The following RNGTT variants were observed in gnomAD, a reference collection of about 807,000 sequenced individuals.
RNGTT encodes mRNA-capping enzyme.
A neutral mutation model predicts 79.3 loss-of-function variants in RNGTT; 33 were observed. That is an observed-to-expected ratio of 0.42 (90% CI 0.32 to 0.56). The LOEUF is 0.56. RNGTT is among the 20% of genes least tolerant of loss of function. RNGTT has a pLI of 0.17. For synonymous variants in RNGTT, 222 were observed against 235.9 expected (o/e 0.94, Z 0.54); for missense variants, 497 against 739.1 (o/e 0.67, Z 3.80).
At chr6:88,859,252 C>G in intron 8 of RNGTT, among the ~76,000 whole-genome samples, 1 of 151,020 alleles carries the variant, frequency 6.6e-6, no homozygotes, top group African/African-American at 2.4e-5. Flanking sequence ...TTGTATGAGA[C>G]AAACAGAAAC....
intron 5 of RNGTT, among the ~76,000 whole-genome samples, chr6:88,905,524 A>G (rs970454640): frequency 1.3e-5 from 2 of 152,240 alleles, no homozygotes; most frequent in African/African-American, 4.8e-5. Flanking sequence ...TATTCAAAAA[A>G]GGACCTACTA....
At chr6:88,873,716 T>C (rs1390576627) in intron 8 of RNGTT, among the ~76,000 whole-genome samples, 4 of 152,170 alleles carry the variant, frequency 2.6e-5, no homozygotes, top group African/African-American at 9.7e-5. Flanking sequence ...TGAATACAAA[T>C]GACTTTTATA....
At chr6:88,919,907 C>A (rs890156961) in intron 4 of RNGTT, among the ~76,000 whole-genome samples, 1 of 151,952 alleles carries the variant, frequency 6.6e-6, no homozygotes, top group South Asian at 2.1e-4. Flanking sequence ...TCAGGCTGGT[C>A]TCAAACTCTG....
At chr6:88,877,525 T>C (rs1043403651) in intron 8 of RNGTT, among the ~76,000 whole-genome samples, 1 of 152,176 alleles carries the variant, frequency 6.6e-6, no homozygotes, top group African/African-American at 2.4e-5. Flanking sequence ...TTTCCTATGA[T>C]GGTAGCGCAA....
intron 11 of RNGTT, 67 bp from the exon 12 acceptor site, chr6:88,801,699 T>G (rs1267689070): frequency 2.0e-5 from 21 of 1,071,424 alleles, no homozygotes; most frequent in Non-Finnish European, 2.9e-5. Flanking sequence ...TTAAACTTCT[T>G]GCTAAGCTTT....
At chr6:88,823,719 T>C (rs185377937) in intron 11 of RNGTT, among the ~76,000 whole-genome samples, 97 of 152,286 alleles carry the variant, frequency 6.4e-4, no homozygotes, top group East Asian at 4.8e-3. Flanking sequence ...ATATAGACTC[T>C]AGGCCTTCAT....
intron 11 of RNGTT, among the ~76,000 whole-genome samples, chr6:88,803,538 C>G (rs569781494): frequency 3.8e-4 from 54 of 142,170 alleles, no homozygotes; most frequent in Non-Finnish European, 4.9e-4. Flanking sequence ...GATTGTGCCA[C>G]TGCACTCCAG....
At chr6:88,631,677 AC>A (rs1772894825) in intron 14 of RNGTT, among the ~76,000 whole-genome samples, 2 of 151,982 alleles carry the variant, frequency 1.3e-5, no homozygotes, top group African/African-American at 4.8e-5. Context: ...TGATGCAGGT[AC>A]CATCCCATGT....
intron 1 of RNGTT, 133 bp from the exon 2 acceptor site, chr6:88,941,313 G>T: frequency 1.6e-6 from 1 of 611,608 alleles, no homozygotes; most frequent in African/African-American, 1.9e-5. Context: ...TGTCCCCCAG[G>T]ATAGAGTGCA....
intron 13 of RNGTT, among the ~76,000 whole-genome samples, chr6:88,739,771 ATATATATG>A (rs1197854240): frequency 4.6e-4 from 38 of 81,944 alleles, no homozygotes; most frequent in Admixed American, 2.6e-3. Context: ...ATATATATAT[ATATATATG>A]TTAACACATG....
chr6:88,636,016 T>G (rs984199439), intron 14 of RNGTT, among the ~76,000 whole-genome samples: 2 of 152,074 alleles, frequency 1.3e-5, no homozygotes, highest in African/African-American at 2.4e-5. Flanking sequence ...AAGTATTTCT[T>G]CAGCTCCTGC....
At chr6:88,845,183 T>C (rs1017431968) in intron 10 of RNGTT, among the ~76,000 whole-genome samples, 1 of 151,536 alleles carries the variant, frequency 6.6e-6, no homozygotes, top group Non-Finnish European at 1.5e-5. Context: ...CAATGTTTTT[T>C]GTTGTTTAAA....
chr6:88,877,432 C>T (rs1481889787), intron 8 of RNGTT, among the ~76,000 whole-genome samples: 3 of 152,262 alleles, frequency 2.0e-5, no homozygotes, highest in African/African-American at 7.2e-5. Flanking sequence ...CACAAGTAAT[C>T]GGGGTGCTTT....
intron 11 of RNGTT, among the ~76,000 whole-genome samples, chr6:88,809,420 T>A (rs1329724449): frequency 6.6e-6 from 1 of 152,166 alleles, no homozygotes; most frequent in African/African-American, 2.4e-5. Context: ...GAAGCGTAGA[T>A]CACTATAAAA....
chr6:88,623,837 C>T (rs1216333769), intron 14 of RNGTT, among the ~76,000 whole-genome samples: 1 of 151,996 alleles, frequency 6.6e-6, no homozygotes, highest in Non-Finnish European at 1.5e-5. Flanking sequence ...TACAAAGAGG[C>T]TCCTAGAACC....
chr6:88,742,240 G>A (rs1260181384), intron 13 of RNGTT, among the ~76,000 whole-genome samples: 1 of 152,164 alleles, frequency 6.6e-6, no homozygotes, highest in Non-Finnish European at 1.5e-5. Flanking sequence ...TTCCAAAAAG[G>A]AGGGAAGGTC....
intron 8 of RNGTT, among the ~76,000 whole-genome samples, chr6:88,865,051 C>A (rs1020466633): frequency 6.6e-6 from 1 of 151,964 alleles, no homozygotes; most frequent in East Asian, 1.9e-4. Flanking sequence ...TACCACTGAA[C>A]TGCATATTTT....
intron 4 of RNGTT, 130 bp from the exon 5 acceptor site, chr6:88,906,570 C>T (rs1041566968): frequency 1.7e-6 from 1 of 574,692 alleles, no homozygotes; most frequent in Admixed American, 3.6e-5. Flanking sequence ...AATTTTTTAA[C>T]TTGAAACACC....
At chr6:88,681,098 A>G (rs1226721957) in intron 13 of RNGTT, among the ~76,000 whole-genome samples, 1 of 152,200 alleles carries the variant, frequency 6.6e-6, no homozygotes, top group African/African-American at 2.4e-5. Context: ...TATTTCCTAT[A>G]TAACAAATGT....
Sources: gnomAD v4.1 joint callset for allele counts (sites outside exome capture counted in the v4.1 genomes callset) on GRCh38, gnomAD v4.1.1 for gene constraint, MANE v1.5 for transcripts, NCBI Gene and HGNC (gene_info 2026-07-23, HGNC 2026-07-21) for gene names.